Variants in PLXNA4 observed in about 807,000 individuals in gnomAD.
PLXNA4 encodes the protein plexin-A4.
A neutral mutation model predicts 191.8 loss-of-function variants in PLXNA4; 44 were observed. The ratio of observed to expected loss-of-function variants is 0.23; its 90% CI spans 0.18 to 0.29. The LOEUF (loss-of-function observed/expected upper bound fraction) is 0.29. Among genes scored for constraint, PLXNA4 ranks in the 10% least tolerant of loss-of-function variants. The pLI is 1.00. For synonymous variants in PLXNA4, 1,082 were observed against 1,009.5 expected (o/e 1.07, Z -1.36); for missense variants, 1,800 against 2,488.8 (o/e 0.72, Z 5.89).
intron 3 of PLXNA4, among the ~76,000 whole-genome samples, chr7:132,318,895 T>C (rs1260269156): frequency 3.3e-5 from 5 of 152,132 alleles, no homozygotes; most frequent in Non-Finnish European, 7.4e-5. Context: ...GGACTCTCTG[T>C]TGAATTCTGC....
intron 4 of PLXNA4, among the ~76,000 whole-genome samples, chr7:132,281,510 A>C (rs554700329): frequency 1.6e-4 from 25 of 152,282 alleles, no homozygotes; most frequent in African/African-American, 5.8e-4. Flanking sequence ...CCAAGTTTTA[A>C]AAGTTTTAAG....
At chr7:132,368,068 A>G (rs1299718901) in intron 3 of PLXNA4, 1 of 152,208 alleles carries the variant, frequency 6.6e-6, no homozygotes, top group East Asian at 1.9e-4. Flanking sequence ...GATGACATAG[A>G]AAATACCCAC....
At chr7:132,431,447 T>C (rs1795258276) in intron 3 of PLXNA4, among the ~76,000 whole-genome samples, 1 of 152,146 alleles carries the variant, frequency 6.6e-6, no homozygotes. Flanking sequence ...CAGTCCCATG[T>C]GGGGACCTTT....
chr7:132,465,020 C>T (rs887275027), intron 3 of PLXNA4, among the ~76,000 whole-genome samples: 3 of 152,210 alleles, frequency 2.0e-5, no homozygotes, highest in Non-Finnish European at 4.4e-5. Context: ...GACCCAGCCC[C>T]GGGGAGCCCA....
Position 132,394,525 on chromosome 7 carries a change from T to C in PLXNA4, c.1371+94767A>G, listed in dbSNP as rs182541591. On this transcript the variant is annotated intron_variant, in intron 3 of 31. Coordinates refer to ENST00000321063, the MANE Select transcript of PLXNA4 (RefSeq NM_020911.2). Reference sequence around the variant, plus strand: ...AGTCTGTGATTCTAGCTGTCAGAAGTGCAAATACTGCTTTAAAAGAAAGGA... The same window carrying C: ...AGTCTGTGATTCTAGCTGTCAGAAGCGCAAATACTGCTTTAAAAGAAAGGA... Among the ~76,000 whole-genome samples the C allele has an allele frequency of 6.0e-4, 91 of 152,322 alleles. 1 individual carries two copies. The highest frequency in any genetic ancestry group is 1.2e-4 in the Non-Finnish European group (8 of 68,024).
chr7:132,395,134 C>T (rs1793703868), intron 3 of PLXNA4, among the ~76,000 whole-genome samples: 1 of 152,224 alleles, frequency 6.6e-6, no homozygotes, highest in Non-Finnish European at 1.5e-5. Context: ...ACTTTTCACA[C>T]CTGGAAATAA....
chr7:132,338,608 T>C (rs1377292777), intron 3 of PLXNA4, among the ~76,000 whole-genome samples: 1 of 152,220 alleles, frequency 6.6e-6, no homozygotes, highest in Non-Finnish European at 1.5e-5. Context: ...ATGAGGATGT[T>C]CTATAGACAG....
At chr7:132,563,844 T>C (rs980587680) in intron 1 of PLXNA4, among the ~76,000 whole-genome samples, 17 of 35,530 alleles carry the variant, frequency 4.8e-4, no homozygotes, top group African/African-American at 8.6e-4. Context: ...TCCTCCTCCT[T>C]CTGCTGCTCC....
chr7:132,253,159 T>G (rs1004957362), intron 4 of PLXNA4, among the ~76,000 whole-genome samples: 17 of 152,136 alleles, frequency 1.1e-4, no homozygotes, highest in African/African-American at 4.1e-4. Flanking sequence ...GCTTTAACCT[T>G]TAGTCTTTTA....
At chr7:132,462,728 C>A (rs1489187894) in intron 3 of PLXNA4, among the ~76,000 whole-genome samples, 1 of 152,066 alleles carries the variant, frequency 6.6e-6, no homozygotes, top group Admixed American at 6.6e-5. Context: ...CAGGCATGAG[C>A]CACCACGCCC....
intron 1 of PLXNA4, among the ~76,000 whole-genome samples, chr7:132,575,450 T>C (rs987770461): frequency 1.3e-5 from 2 of 152,164 alleles, no homozygotes; most frequent in African/African-American, 4.8e-5. Flanking sequence ...CCTCCTCTTT[T>C]GGAGGACTAT....
chr7:132,620,425 A>G (rs952277614), intron 2 of PLXNA4, among the ~76,000 whole-genome samples: 5 of 152,226 alleles, frequency 3.3e-5, no homozygotes, highest in East Asian at 1.9e-4. Context: ...TTTATTTTAT[A>G]TAACATCTTT....
intron 21 of PLXNA4, among the ~76,000 whole-genome samples, chr7:132,174,067 A>C (rs1796374592): frequency 6.6e-6 from 1 of 152,238 alleles, no homozygotes; most frequent in South Asian, 2.1e-4. Flanking sequence ...AAACTGTGCT[A>C]AGATGTTAGT....
At chr7:132,155,377 A>G (rs1034080841) in intron 25 of PLXNA4, among the ~76,000 whole-genome samples, 3 of 152,268 alleles carry the variant, frequency 2.0e-5, no homozygotes, top group African/African-American at 7.2e-5. Context: ...TTGAGGAGTG[A>G]AGGGAGGAGG....
intron 2 of PLXNA4, among the ~76,000 whole-genome samples, chr7:132,619,959 C>T (rs1803229364): frequency 6.6e-6 from 1 of 152,192 alleles, no homozygotes; most frequent in Non-Finnish European, 1.5e-5. Context: ...CACCACCATG[C>T]CCAGCTAATG....
Position 132,211,004 on chromosome 7 carries a change from C to T in PLXNA4, c.2237G>A (p.Ser746Asn), listed in dbSNP as rs1368155059. The change falls in exon 10 of 32, where the codon AGC (serine) becomes AAC (asparagine). Residue 746 changes from serine to asparagine, a missense_variant. This residue lies in a region of PLXNA4 where 1,397 missense variants were observed against 1,880.4 expected (regional missense o/e 0.74). Coordinates refer to ENST00000321063, the MANE Select transcript of PLXNA4 (RefSeq NM_020911.2). ...GCGCAGGGCGGGCACTCGCTGCTCGCTGCCCTGAATGTTGAGGATGCATTC... is the reference window on the plus strand; with the variant it reads ...GCGCAGGGCGGGCACTCGCTGCTCGTTGCCCTGAATGTTGAGGATGCATTC... ...GYECILNIQGSEQRVPALRFN... is the reference protein window; with the variant it reads ...GYECILNIQGNEQRVPALRFN... The T allele has an allele frequency of 6.2e-7, 1 of 1,614,052 alleles. No homozygotes were observed. Among genetic ancestry groups the T allele is most frequent in the East Asian group, 2.2e-5 (1 of 44,874 alleles).
intron 2 of PLXNA4, among the ~76,000 whole-genome samples, chr7:132,599,712 C>G (rs1293143231): frequency 6.6e-6 from 1 of 151,426 alleles, no homozygotes; most frequent in Non-Finnish European, 1.5e-5. Context: ...TATAGTCAAA[C>G]ACAGCTATAT....
intron 11 of PLXNA4, among the ~76,000 whole-genome samples, 162 bp from the exon 12 acceptor site, chr7:132,202,998 A>T (rs1454573557): frequency 6.6e-6 from 1 of 152,170 alleles, no homozygotes; most frequent in African/African-American, 2.4e-5. Context: ...CCTGAAAGAA[A>T]GTCCAGGCCT....
chr7:132,271,605 A>G (rs945095183), intron 4 of PLXNA4, among the ~76,000 whole-genome samples: 2 of 152,156 alleles, frequency 1.3e-5, no homozygotes, highest in Non-Finnish European at 2.9e-5. Flanking sequence ...CAAATAATCC[A>G]TGTTGAATTT....
Sources: allele counts gnomAD v4.1 joint callset (sites outside exome capture counted in the v4.1 genomes callset), GRCh38; gene constraint gnomAD v4.1.1; regional missense constraint gnomAD v4.1.1; transcripts MANE v1.5; gene names NCBI Gene and HGNC (gene_info 2026-07-23, HGNC 2026-07-21).